Variants in DAB1 observed in about 807,000 individuals in gnomAD.
DAB1 encodes disabled homolog 1.
Under a neutral mutation model 64.6 loss-of-function variants are expected in DAB1, and 15 were observed. That is an observed-to-expected ratio of 0.23 (90% confidence interval 0.16 to 0.36). The LOEUF (loss-of-function observed/expected upper bound fraction) is 0.36, where lower values mean the gene tolerates loss of function less well. DAB1 is among the 10% of genes least tolerant of loss of function. The pLI, the probability that DAB1 is intolerant of heterozygous loss-of-function variation, is 1.00. For missense variants in DAB1, 596 were observed against 706.7 expected (o/e 0.84, Z 1.78); for synonymous variants, 235 against 251.9 (o/e 0.93, Z 0.64).
rs144924098 is a variant in DAB1, at chr1:57,679,482, G to A, written n.552-29817C>T. 1.3e-4 allele frequency among the ~76,000 whole-genome samples: 20 copies of A among 152,326 alleles called. No homozygotes were observed. In the East Asian group the frequency reaches 1.9e-3, roughly 15 times the overall value. On this transcript the variant is annotated intron_variant and non_coding_transcript_variant, in intron 6 of 20. Coordinates refer to the DAB1 transcript ENST00000485760. ...CATCTTTAGCCACTCTGAGAGCATC[G>A]TTCACAGTCCTCAGGCCAGGGCCAT...
chr1:57,569,189 G>A (rs1645162591), intron 7 of DAB1, among the ~76,000 whole-genome samples: 1 of 145,760 alleles, frequency 6.9e-6, no homozygotes, highest in Non-Finnish European at 1.5e-5. Context: ...ACCCCAGGGG[G>A]CGGAGCCTGC....
At chr1:58,463,311 G>A (rs569315961) in intron 3 of DAB1, among the ~76,000 whole-genome samples, 1 of 152,218 alleles carries the variant, frequency 6.6e-6, no homozygotes, top group African/African-American at 2.4e-5. Context: ...GAGTGCCTGG[G>A]GACTCCTAGA....
intron 7 of DAB1, among the ~76,000 whole-genome samples, chr1:57,466,876 A>T (rs1686970590): frequency 6.6e-6 from 1 of 151,982 alleles, no homozygotes; most frequent in African/African-American, 2.4e-5. Context: ...AGGTGCATCA[A>T]CTCCTTCTCA....
intron 3 of DAB1, among the ~76,000 whole-genome samples, chr1:58,351,218 C>A (rs1031571180): frequency 9.7e-4 from 148 of 152,202 alleles, no homozygotes; most frequent in African/African-American, 3.4e-3. Flanking sequence ...CTCTTTGTAG[C>A]AATTGCAAAT....
chr1:58,497,695 T>C (rs1251152884), intron 3 of DAB1, among the ~76,000 whole-genome samples: 1 of 152,176 alleles, frequency 6.6e-6, no homozygotes, highest in Admixed American at 6.6e-5. Context: ...TCCCTCTCTG[T>C]ACCAGAAAGA....
At position 58,260,093 on chromosome 1, in the gene DAB1, A is replaced by G. The variant is rs72910493; in HGVS notation, n.309+83259T>C. ...TATAAACCCAGGAAGTCTTACTCCA[A>G]AATCCACATGGCATTCCCTAAATAC... is the stretch of plus-strand genomic sequence containing the variant. On this transcript the variant is annotated intron_variant and non_coding_transcript_variant, in intron 4 of 20. Transcript: ENST00000485760. Among the ~76,000 whole-genome samples, 1,085 of 152,266 alleles carry G rather than the reference A, an allele frequency of 7.1e-3. 16 individuals carry two copies. Among genetic ancestry groups the G allele is most frequent in the African/African-American group, 0.024 (1,013 of 41,554 alleles).
chr1:58,170,642 G>A (rs1449565377), intron 4 of DAB1, among the ~76,000 whole-genome samples: 3 of 152,086 alleles, frequency 2.0e-5, no homozygotes, highest in African/African-American at 7.2e-5. Flanking sequence ...AAATGGAGCA[G>A]GCCAATCACA....
chr1:58,288,619 G>A (rs1661746106), intron 4 of DAB1, among the ~76,000 whole-genome samples: 1 of 152,174 alleles, frequency 6.6e-6, no homozygotes, highest in African/African-American at 2.4e-5. Context: ...CTGTTACTGT[G>A]AAAAGTTCGT....
intron 7 of DAB1, among the ~76,000 whole-genome samples, chr1:57,553,718 G>C (rs1204313777): frequency 6.6e-6 from 1 of 152,012 alleles, no homozygotes. Context: ...CAATAGGAGC[G>C]ATGAGCCTAG....
chr1:57,303,943 G>GC (rs1219878809), intron 1 of DAB1, among the ~76,000 whole-genome samples: 3 of 152,108 alleles, frequency 2.0e-5, no homozygotes, highest in African/African-American at 7.2e-5. Flanking sequence ...CCTCCTTATT[G>GC]TGGGGGACTG....
chr1:57,440,701 T>C (rs764906404), intron 7 of DAB1, among the ~76,000 whole-genome samples: 1 of 152,202 alleles, frequency 6.6e-6, no homozygotes, highest in East Asian at 1.9e-4. Context: ...TCAGAGTGCC[T>C]GTTAGGCATT....
chr1:58,439,973 G>A (rs1223167351), intron 3 of DAB1, among the ~76,000 whole-genome samples: 1 of 152,170 alleles, frequency 6.6e-6, no homozygotes, highest in African/African-American at 2.4e-5. Flanking sequence ...ACTGTGATGA[G>A]ATTCCTGCTT....
At chr1:58,360,667 T>C (rs1371726514) in intron 3 of DAB1, among the ~76,000 whole-genome samples, 1 of 152,022 alleles carries the variant, frequency 6.6e-6, no homozygotes, top group Admixed American at 6.6e-5. Flanking sequence ...AAGGGTGGGC[T>C]GAAGTTGCAA....
At chr1:58,360,119 A>G (rs977614427) in intron 3 of DAB1, among the ~76,000 whole-genome samples, 13 of 152,234 alleles carry the variant, frequency 8.5e-5, no homozygotes, top group Admixed American at 2.0e-4. Flanking sequence ...GTTGTGTTCT[A>G]GTGGGGAAGA....
chr1:57,277,572 A>T (rs694060), intron 2 of DAB1, among the ~76,000 whole-genome samples: 116,376 of 152,006 alleles, frequency 0.77, 45,668 homozygotes, highest in African/African-American at 0.94. Flanking sequence ...CTTTCATAAG[A>T]CCAACCTGAT....
At chr1:57,073,736 A>G (rs901479370) in intron 4 of DAB1, among the ~76,000 whole-genome samples, 3 of 152,196 alleles carry the variant, frequency 2.0e-5, no homozygotes, top group African/African-American at 7.2e-5. Flanking sequence ...CCAAAGCCCT[A>G]GATCCTTAGG....
At chr1:57,127,670 A>G (rs1029710137) in intron 4 of DAB1, among the ~76,000 whole-genome samples, 1 of 152,222 alleles carries the variant, frequency 6.6e-6, no homozygotes, top group African/African-American at 2.4e-5. Context: ...ATAAATAGAT[A>G]AAAATTTAAG....
chr1:57,035,071 T>C (rs1265425876), intron 9 of DAB1, among the ~76,000 whole-genome samples: 1 of 152,158 alleles, frequency 6.6e-6, no homozygotes, highest in Admixed American at 6.5e-5. Flanking sequence ...CAAATAACCA[T>C]AGACATTATT....
chr1:58,061,090 G>A (rs1648474253), intron 5 of DAB1, among the ~76,000 whole-genome samples: 1 of 152,140 alleles, frequency 6.6e-6, no homozygotes, highest in Non-Finnish European at 1.5e-5. Flanking sequence ...GTCTGACGTG[G>A]GCTCAGGAAC....
Sources: gnomAD v4.1 joint callset for allele counts (sites outside exome capture counted in the v4.1 genomes callset) on GRCh38, gnomAD v4.1.1 for gene constraint, MANE v1.5 for transcripts, NCBI Gene and HGNC (gene_info 2026-07-23, HGNC 2026-07-21) for gene names.